ITM2B: variants seen among roughly 807,000 people sequenced by gnomAD.
ITM2B encodes the protein integral membrane protein 2B, also known as ABri/ADan amyloid peptide.
Under a neutral mutation model 27.8 loss-of-function variants are expected in ITM2B, and 11 were observed. The observed-to-expected ratio is 0.40, with a 90% CI of 0.25 to 0.66. The LOEUF (loss-of-function observed/expected upper bound fraction) is 0.66. Among genes scored for constraint, ITM2B ranks in the 30% least tolerant of loss-of-function variants. ITM2B has a pLI of 0.43. For synonymous variants in ITM2B, 114 were observed against 114.3 expected (o/e 1.00, Z 0.02); for missense variants, 296 against 328.9 (o/e 0.90, Z 0.77).
intron 1 of ITM2B, among the ~76,000 whole-genome samples, chr13:48,240,508 C>G (rs1316738502): frequency 2.6e-5 from 4 of 152,190 alleles, no homozygotes; most frequent in African/African-American, 9.7e-5. Context: ...AATATTACTT[C>G]TTATATTACT....
chr13:48,248,487 G>A (rs748637544), intron 1 of ITM2B, among the ~76,000 whole-genome samples: 12 of 151,734 alleles, frequency 7.9e-5, no homozygotes, highest in African/African-American at 2.7e-4. Context: ...AATTTATTTC[G>A]AATTTTTTTT....
At chr13:48,241,929 C>A (rs910928297) in intron 1 of ITM2B, among the ~76,000 whole-genome samples, 2 of 152,150 alleles carry the variant, frequency 1.3e-5, no homozygotes, top group East Asian at 3.8e-4. Flanking sequence ...ACCCCCTGAA[C>A]GGGTGTGTTC....
At position 48,233,324 on chromosome 13, in the gene ITM2B, C is replaced by CCCG. The variant is rs531403426; in HGVS notation, c.-28_-26dup. On this transcript the variant is annotated 5_prime_UTR_variant, in exon 1 of 6. Transcript: ENST00000647800. The stretch of plus-strand genomic sequence containing the variant: ...GGGAGCCCGCAGCCCGCGCCCCGAG[C>CCCG]CCGCCGCCGCCCTTCGAGGGCGCCC... 9.6e-4 allele frequency: 1,330 copies of CCCG among 1,384,908 alleles called. 14 individuals carry two copies. In the African/African-American group the frequency reaches 0.018, roughly 19 times the overall value. 85.8% of individuals were successfully genotyped at this position (1,384,908 alleles called of 1,614,324 possible). A position where few individuals can be genotyped will look rare whatever the true frequency, so the allele number is the denominator to read the frequency against.
intron 1 of ITM2B, among the ~76,000 whole-genome samples, chr13:48,234,908 T>C (rs1042054275): frequency 3.9e-5 from 6 of 152,260 alleles, no homozygotes; most frequent in African/African-American, 1.4e-4. Context: ...TAGCAAATTA[T>C]TATGTTAGCT....
chr13:48,242,735 A>G (rs1304901854), intron 1 of ITM2B, among the ~76,000 whole-genome samples: 1 of 151,946 alleles, frequency 6.6e-6, no homozygotes, highest in Admixed American at 6.6e-5. Context: ...TTGTTTGTAC[A>G]TGACTTTTTT....
At position 48,270,308 on chromosome 13, in the gene ITM2B, G is replaced by GT. The variant is rs1417319380; in HGVS notation, c.*9085dup. ...CACCATCTGACATGTATTTATGTTT[G>GT]TATTTGTTTATTGTCTGTCTCTACA... is the stretch of plus-strand genomic sequence containing the variant. On this transcript the variant is annotated 3_prime_UTR_variant, in exon 6 of 6. Transcript: ENST00000647800. 7 of 152,174 alleles carry GT rather than the reference G, an allele frequency of 4.6e-5. No homozygotes were observed. The South Asian group carries it at 8.3e-4, about 18-fold the overall frequency. 9.4% of individuals were successfully genotyped at this position (152,174 alleles called of 1,614,324 possible). A position where few individuals can be genotyped will look rare whatever the true frequency, so the allele number is the denominator to read the frequency against.
In ITM2B at chr13:48,233,351, A is replaced by G. The variant is rs552198156; in HGVS notation, c.-10A>G. The G allele has an allele frequency of 3.3e-6, 5 of 1,536,406 alleles. No homozygotes were observed. In the South Asian group the frequency reaches 6.0e-5, roughly 18 times the overall value. On this transcript the variant is annotated 5_prime_UTR_variant, in exon 1 of 6. Transcript: ENST00000647800. ...CGCCGCCGCCCTTCGAGGGCGCCCCAGGCCGCGCCATGGTGAAGGTGACGT... is the reference window on the plus strand; with the variant it reads ...CGCCGCCGCCCTTCGAGGGCGCCCCGGGCCGCGCCATGGTGAAGGTGACGT...
At chr13:48,234,083 C>G (rs1951653166) in intron 1 of ITM2B, among the ~76,000 whole-genome samples, 1 of 152,232 alleles carries the variant, frequency 6.6e-6, no homozygotes, top group East Asian at 1.9e-4. Context: ...TAGGTTTGGG[C>G]TGTCTCTTAC....
rs1471106936 is a variant in ITM2B, at chr13:48,258,870, A to T, written c.638A>T (p.Asp213Val). 1 of 1,613,464 alleles carries T rather than the reference A, an allele frequency of 6.2e-7. No individual in the cohort carries two copies. Among genetic ancestry groups the T allele is most frequent in the South Asian group, 1.1e-5 (1 of 91,072 alleles). ...MVITDRIENI[D>V]HLGFFIYRLC... is the part of the protein sequence containing the mutation. ...ATTACTGATCGCATTGAAAACATTG[A>T]TCACCTGGGTTTCTTTATTTATCGA... The change falls in exon 5 of 6, where the codon GAT (aspartate) becomes GTT (valine). Residue 213 changes from aspartate to valine, a missense_variant. Physicochemically the swap from Asp to Val is radical, Grantham distance 152. Transcript: ENST00000647800.
intron 1 of ITM2B, among the ~76,000 whole-genome samples, chr13:48,237,411 A>G (rs1365456446): frequency 2.0e-5 from 3 of 152,224 alleles, no homozygotes; most frequent in East Asian, 1.9e-4. Context: ...TCCTGTGTAC[A>G]CATCCCTGAC....
Position 48,258,931 on chromosome 13 carries a change from C to T in ITM2B, c.699C>T (p.Arg233=). ...ACAAGGAAACTTACAAACTGCAACG[C>T]AGAGAAACTATTAAAGGTAATACTT... ...CHDKETYKLQ[R]RETIKGIQKR... The change falls in exon 5 of 6, where the codon CGC becomes CGT. Residue 233 remains arginine, a synonymous_variant. Transcript: ENST00000647800. 1 of 1,612,890 alleles carries T rather than the reference C, an allele frequency of 6.2e-7. No individual in the cohort carries two copies. The highest frequency in any genetic ancestry group is 8.5e-7 in the Non-Finnish European group (1 of 1,179,084).
In ITM2B at chr13:48,266,729, C is replaced by T. The variant is rs897490645; in HGVS notation, c.*5505C>T. ...TGGAGTTCAGCTAGTAAGGGTTATA[C>T]TTTGAGGCTATTTCATCTTGATGGG... On this transcript the variant is annotated 3_prime_UTR_variant, in exon 6 of 6. Transcript: ENST00000647800. 6.6e-6 allele frequency: 1 copy of T among 152,048 alleles called. No homozygotes were observed. Among genetic ancestry groups the T allele is most frequent in the Admixed American group, 6.5e-5 (1 of 15,268 alleles). 9.4% of individuals were successfully genotyped at this position (152,048 alleles called of 1,614,324 possible).
Position 48,265,262 on chromosome 13 carries a change from C to T in ITM2B, c.*4038C>T, listed in dbSNP as rs1380491762. ...TTCCCCAACAGTTTAACGTGCGATA[C>T]AATAATGTGTGACACAAAATGACCT... On this transcript the variant is annotated 3_prime_UTR_variant, in exon 6 of 6. Transcript: ENST00000647800. The T allele has an allele frequency of 2.0e-5, 3 of 152,186 alleles. No individual in the cohort carries two copies. Among genetic ancestry groups the T allele is most frequent in the African/African-American group, 7.2e-5 (3 of 41,428 alleles). 9.4% of individuals were successfully genotyped at this position (152,186 alleles called of 1,614,324 possible). A position where few individuals can be genotyped will look rare whatever the true frequency, so the allele number is the denominator to read the frequency against.
At chr13:48,260,703 T>A (rs1951817082) in intron 5 of ITM2B, among the ~76,000 whole-genome samples, 1 of 152,208 alleles carries the variant, frequency 6.6e-6, no homozygotes, top group Admixed American at 6.5e-5. Context: ...AGGACATGAT[T>A]TCTTTTTTAT....
At position 48,265,873 on chromosome 13, in the gene ITM2B, G is replaced by A. The variant is rs551008028; in HGVS notation, c.*4649G>A. 3 of 152,206 alleles carry A rather than the reference G, an allele frequency of 2.0e-5. No individual in the cohort carries two copies. The highest frequency in any genetic ancestry group is 2.0e-4 in the Admixed American group (3 of 15,266). The allele number at this position is 152,206 out of a possible 1,614,324, so 9.4% of individuals were successfully genotyped here. A position where few individuals can be genotyped will look rare whatever the true frequency, so the allele number is the denominator to read the frequency against. ...GTTTCTCAGTCTCATAGCATCATCT[G>A]TCTCTTTTTTGTGACTTGAATATAA... On this transcript the variant is annotated 3_prime_UTR_variant, in exon 6 of 6. Coordinates refer to ENST00000647800, the MANE Select transcript of ITM2B (RefSeq NM_021999.5).
In ITM2B at chr13:48,267,986, GT is replaced by G. The variant is rs1231190562; in HGVS notation, c.*6763del. On this transcript the variant is annotated 3_prime_UTR_variant, in exon 6 of 6. Coordinates refer to ENST00000647800, the MANE Select transcript of ITM2B (RefSeq NM_021999.5). ...TCAGTGAGTTTTGACACTTTTCTTT[GT>G]CCATGTTAACAATCATCAAAACATT... The G allele has an allele frequency of 6.6e-6, 1 of 152,058 alleles. No individual in the cohort carries two copies. Among genetic ancestry groups the G allele is most frequent in the Non-Finnish European group, 1.5e-5 (1 of 68,012 alleles). 9.4% of individuals were successfully genotyped at this position (152,058 alleles called of 1,614,324 possible).
rs910658365 is a variant in ITM2B at position 48,264,791 on chromosome 13, T to A, written c.*3567T>A. 2 of 152,222 alleles carry A rather than the reference T, an allele frequency of 1.3e-5. No homozygotes were observed. The highest frequency in any genetic ancestry group is 4.8e-5 in the African/African-American group (2 of 41,458). 9.4% of individuals were successfully genotyped at this position (152,222 alleles called of 1,614,324 possible). On this transcript the variant is annotated 3_prime_UTR_variant, in exon 6 of 6. Transcript: ENST00000647800. ...GTTCTTCTTTCTGAGTCTTTGTGGC[T>A]AATGCTTTTTTGAGGAAGAAGCATG...
At chr13:48,239,886 T>G (rs901194937) in intron 1 of ITM2B, among the ~76,000 whole-genome samples, 1 of 152,168 alleles carries the variant, frequency 6.6e-6, no homozygotes, top group Non-Finnish European at 1.5e-5. Context: ...GTAAGAATGA[T>G]TTTTATATTT....
intron 1 of ITM2B, among the ~76,000 whole-genome samples, chr13:48,252,096 T>C (rs964122982): frequency 1.3e-4 from 20 of 152,328 alleles, no homozygotes; most frequent in South Asian, 6.2e-4. Flanking sequence ...AGAATACACA[T>C]TGTTTGTTGT....
Sources: allele counts gnomAD v4.1 joint callset (sites outside exome capture counted in the v4.1 genomes callset), GRCh38; gene constraint gnomAD v4.1.1; transcripts MANE v1.5; gene names NCBI Gene and HGNC (gene_info 2026-07-23, HGNC 2026-07-21).